RRP8: variants seen among roughly 807,000 people sequenced by gnomAD.
RRP8 encodes the protein ribosomal RNA-processing protein 8.
A neutral mutation model predicts 45.0 loss-of-function variants in RRP8; 48 were observed. The ratio of observed to expected loss-of-function variants is 1.07; its 90% CI spans 0.85 to 1.36. The LOEUF is 1.36. RRP8 is among the 40% of genes most tolerant of loss of function. RRP8 has a pLI of 0.00. For synonymous variants in RRP8, 274 were observed against 212.4 expected, an observed-to-expected ratio of 1.29 and a Z score of -2.52; for missense variants, 658 against 573.7, an observed-to-expected ratio of 1.15 and a Z score of -1.50.
At position 6,595,622 on chromosome 11, in the gene RRP8, G is replaced by C. The variant is rs951636187; in HGVS notation, c.*4524C>G. On this transcript the variant is annotated 3_prime_UTR_variant, in exon 7 of 7. Transcript: ENST00000254605. ...CAATGACGGATTTAAAAAAAAAAGA[G>C]TATCTCAACTTCCTATTGGGAGTAC... 1.3e-5 allele frequency: 2 copies of C among 152,072 alleles called. No individual in the cohort carries two copies. Among genetic ancestry groups the C allele is most frequent in the African/African-American group, 4.8e-5 (2 of 41,396 alleles). The allele number at this position is 152,072 out of a possible 1,614,324, so 9.4% of individuals were successfully genotyped here. A position where few individuals can be genotyped will look rare whatever the true frequency, so the allele number is the denominator to read the frequency against.
At position 6,602,153 on chromosome 11, in the gene RRP8, C is replaced by G. The variant is rs746432837; in HGVS notation, c.162G>C (p.Gln54His). Residue 54 changes from glutamine (Q) to histidine (H), a missense_variant, in exon 2 of 7, where the codon CAG becomes CAC. By Grantham distance (24) the Gln-to-His change is conservative. Transcript: ENST00000254605. ...LRALEAASLS[Q>H]HPPSLCISDS... ...CACTTATACATAGGCTGGGGGGATG[C>G]TGGGAAAGAGATGCTGCCTCTAGGG... is the stretch of plus-strand genomic sequence containing the variant. 2.5e-6 allele frequency: 4 copies of G among 1,604,722 alleles called. No individual in the cohort carries two copies. The highest frequency in any genetic ancestry group is 3.4e-5 in the Admixed American group (2 of 59,300).
Position 6,601,303 on chromosome 11 carries a change from T to C in RRP8, c.763A>G (p.Asn255Asp), listed in dbSNP as rs774157861. 1 of 1,613,532 alleles carries C rather than the reference T, an allele frequency of 6.2e-7. No individual in the cohort carries two copies. The highest frequency in any genetic ancestry group is 8.5e-7 in the Non-Finnish European group (1 of 1,179,766). The change falls in exon 3 of 7, where the codon AAT (asparagine) becomes GAT (aspartate). Residue 255 changes from asparagine to aspartate, a missense_variant. Physicochemically the swap from Asn to Asp is conservative, Grantham distance 23. Coordinates refer to ENST00000254605, the MANE Select transcript of RRP8 (RefSeq NM_015324.4). ...CTGGGCCCTGAGTACAACTGTTCAT[T>C]GAGGTAGCGAAATCGGGCCCCATCC... is the stretch of plus-strand genomic sequence containing the variant. Reference protein sequence around the residue: ...RLDGARFRYLNEQLYSGPSSA... With the variant: ...RLDGARFRYLDEQLYSGPSSA...
rs1255667158 is a variant in RRP8, at chr11:6,601,304, G to A, written c.762C>T (p.Leu254=). The change falls in exon 3 of 7, where the codon CTC becomes CTT. Residue 254 remains leucine (L), a synonymous_variant. Transcript: ENST00000254605. ...QRLDGARFRY[L]NEQLYSGPSS... ...TGGGCCCTGAGTACAACTGTTCATT[G>A]AGGTAGCGAAATCGGGCCCCATCCA... 3 of 1,613,580 alleles carry A rather than the reference G, an allele frequency of 1.9e-6. No homozygotes were observed. Among genetic ancestry groups the A allele is most frequent in the Non-Finnish European group, 2.5e-6 (3 of 1,179,778 alleles).
chr11:6,598,561 T>C lies in RRP8; in HGVS notation c.*1585A>G, dbSNP rs943732164. 2.6e-5 allele frequency: 4 copies of C among 152,264 alleles called. No homozygotes were observed. Among genetic ancestry groups the C allele is most frequent in the Admixed American group, 2.6e-4 (4 of 15,286 alleles). The allele number at this position is 152,264 out of a possible 1,614,324, so 9.4% of individuals were successfully genotyped here. A position where few individuals can be genotyped will look rare whatever the true frequency, so the allele number is the denominator to read the frequency against. On this transcript the variant is annotated 3_prime_UTR_variant, in exon 7 of 7. Transcript: ENST00000254605. The stretch of plus-strand genomic sequence containing the variant: ...TACTTTGAGAGTACAGATGAAGAAC[T>C]GATTTTGCTTTGGGAGTAGAATAGG...
In RRP8 at chr11:6,601,358, C is replaced by T; in HGVS notation, c.708G>A (p.Gly236=). ...PRTDSHEARA[G]ALRARMAQRL... is the part of the protein sequence containing the mutation. ...GCTGTGCCATGCGGGCTCGCAAAGC[C>T]CCTGCCCGAGCCTCATGGCTGTCTG... The change falls in exon 3 of 7, where the codon GGG becomes GGA. Residue 236 remains glycine, a synonymous_variant. Coordinates refer to ENST00000254605, the MANE Select transcript of RRP8 (RefSeq NM_015324.4). 6.2e-7 allele frequency: 1 copy of T among 1,614,124 alleles called. No individual in the cohort carries two copies. The highest frequency in any genetic ancestry group is 2.2e-5 in the East Asian group (1 of 44,888).
rs1005880420 is a variant in RRP8 at position 6,595,072 on chromosome 11, T to C, written c.*5074A>G. ...TATAATATTATATATTATACATATA[T>C]ATAATTGTTTTATTTATTTATTGAG... On this transcript the variant is annotated 3_prime_UTR_variant, in exon 7 of 7. Coordinates refer to ENST00000254605, the MANE Select transcript of RRP8 (RefSeq NM_015324.4). 6 of 150,420 alleles carry C rather than the reference T, an allele frequency of 4.0e-5. No individual in the cohort carries two copies. Among genetic ancestry groups the C allele is most frequent in the Non-Finnish European group, 5.9e-5 (4 of 67,724 alleles). 9.3% of individuals were successfully genotyped at this position (150,420 alleles called of 1,614,324 possible). A position where few individuals can be genotyped will look rare whatever the true frequency, so the allele number is the denominator to read the frequency against.
Position 6,600,582 on chromosome 11 carries a change from CCT to C in RRP8, c.1155-2_1155-1del, listed in dbSNP as rs1210223264. Reference sequence around the variant, plus strand: ...TGACCTCAGCCACTTTCAGGAGACCCCTGAGAAAGACAGAAAGTTCTGTGTAA... The same window carrying C: ...TGACCTCAGCCACTTTCAGGAGACCCGAGAAAGACAGAAAGTTCTGTGTAA... On this transcript the variant is annotated splice_acceptor_variant, in intron 5 of 6. Coordinates refer to ENST00000254605, the MANE Select transcript of RRP8 (RefSeq NM_015324.4). LOFTEE classifies it high-confidence loss of function. The C allele has an allele frequency of 1.2e-6, 2 of 1,614,008 alleles. No individual in the cohort carries two copies. Among genetic ancestry groups the C allele is most frequent in the South Asian group, 1.1e-5 (1 of 91,066 alleles).
rs142528867 is a variant in RRP8 at position 6,601,173 on chromosome 11, C to A, written c.893G>T (p.Arg298Leu). The change falls in exon 3 of 7, where the codon CGC (arginine) becomes CTC (leucine). Residue 298 changes from arginine to leucine, a missense_variant. By Grantham distance (102) the Arg-to-Leu change is moderately radical. Transcript: ENST00000254605. ...CCGCTGGCGAAGATCCCTGGCGATGCGGTCCACTGGCTGCAGTGGCCACTT... is the reference window on the plus strand; with the variant it reads ...CCGCTGGCGAAGATCCCTGGCGATGAGGTCCACTGGCTGCAGTGGCCACTT... ...VKKWPLQPVD[R>L]IARDLRQRPA... The A allele has an allele frequency of 4.3e-6, 7 of 1,613,798 alleles. No individual in the cohort carries two copies. In the Admixed American group the frequency reaches 8.3e-5, roughly 19 times the overall value.
At position 6,600,179 on chromosome 11, in the gene RRP8, C is replaced by T. The variant is rs367682113; in HGVS notation, c.1338G>A (p.Leu446=). Residue 446 remains leucine (L), a synonymous_variant, in exon 7 of 7, where the codon CTG becomes CTA. Transcript: ENST00000254605. The part of the protein sequence containing the change: ...LVGPKAQLSG[L]QLQPCLYKRR ...GCTTGTAGAGACATGGCTGAAGCTG[C>T]AGGCCTGAAAGCTGAGCCTTGGGCC... 2.4e-4 allele frequency: 388 copies of T among 1,602,230 alleles called. No homozygotes were observed. Among genetic ancestry groups the T allele is most frequent in the Non-Finnish European group, 3.1e-4 (368 of 1,176,226 alleles).
rs1854397130 is a variant in RRP8, at chr11:6,602,017, C to G, written c.298G>C (p.Gly100Arg). ...TCCTCAGAGTCACTGCAAGGTGGGC[C>G]CTGTTTTTGACATTTCTTCTTCCCT... Reference protein sequence around the residue: ...KKGKKKCQKQGPPCSDSEEEV... With the variant: ...KKGKKKCQKQRPPCSDSEEEV... Residue 100 changes from glycine to arginine, a missense_variant, in exon 2 of 7, where the codon GGC (glycine) becomes CGC (arginine). Physicochemically the swap from Gly to Arg is moderately radical, Grantham distance 125. Transcript: ENST00000254605. The G allele has an allele frequency of 1.2e-6, 2 of 1,613,906 alleles. No individual in the cohort carries two copies. Among genetic ancestry groups the G allele is most frequent in the African/African-American group, 2.7e-5 (2 of 74,870 alleles).
intron 1 of RRP8, 146 bp from the exon 2 acceptor site, chr11:6,602,361 T>C: frequency 1.1e-6 from 1 of 933,364 alleles, no homozygotes; most frequent in East Asian, 2.7e-5. Context: ...GAAGAACTTT[T>C]ATGTCACCAC....
chr11:6,600,813 CAGA>C (rs764454380), intron 4 of RRP8, 38 bp from the exon 5 acceptor site: 53 of 1,608,628 alleles, frequency 3.3e-5, no homozygotes, highest in Non-Finnish European at 4.1e-5. Flanking sequence ...GCACACAGTG[CAGA>C]AGAAGAAAGC....
rs745570524 is a variant in RRP8, at chr11:6,601,351, G to A, written c.715C>T (p.Arg239Ter). The change falls in exon 3 of 7, where the codon CGA becomes TGA. Residue 239 changes from arginine to a stop codon, truncating the protein, a stop_gained. Coordinates refer to ENST00000254605, the MANE Select transcript of RRP8 (RefSeq NM_015324.4). LOFTEE classifies it high-confidence loss of function. Reference protein sequence around the residue: ...DSHEARAGALRARMAQRLDGA... With the variant: ...DSHEARAGAL ...TCCAGCCGCTGTGCCATGCGGGCTCGCAAAGCCCCTGCCCGAGCCTCATGG... is the reference window on the plus strand; with the variant it reads ...TCCAGCCGCTGTGCCATGCGGGCTCACAAAGCCCCTGCCCGAGCCTCATGG... 1.7e-5 allele frequency: 28 copies of A among 1,613,820 alleles called. No individual in the cohort carries two copies. The Admixed American group carries it at 1.8e-4, about 11-fold the overall frequency.
chr11:6,597,992 C>T lies in RRP8; in HGVS notation c.*2154G>A, dbSNP rs1340859663. The T allele has an allele frequency of 4.6e-5, 7 of 152,230 alleles. No individual in the cohort carries two copies. The highest frequency in any genetic ancestry group is 3.9e-4 in the Admixed American group (6 of 15,262). 9.4% of individuals were successfully genotyped at this position (152,230 alleles called of 1,614,324 possible). On this transcript the variant is annotated 3_prime_UTR_variant, in exon 7 of 7. Transcript: ENST00000254605. Reference sequence around the variant, plus strand: ...CCTTCACTGCTTCATTTTCCTTTACCCATCCATGACATGCTCCTCAGTTCT... The same window carrying T: ...CCTTCACTGCTTCATTTTCCTTTACTCATCCATGACATGCTCCTCAGTTCT...
chr11:6,601,689 C>T (rs1854369937), intron 2 of RRP8, 87 bp from the exon 3 acceptor site: 8 of 1,502,088 alleles, frequency 5.3e-6, no homozygotes, highest in Non-Finnish European at 7.1e-6. Context: ...ATACCTCTGT[C>T]TTTGAGATCG....
In RRP8 at chr11:6,598,458, G is replaced by C; in HGVS notation, c.*1688C>G. 1 of 152,212 alleles carries C rather than the reference G, an allele frequency of 6.6e-6. No individual in the cohort carries two copies. Among genetic ancestry groups the C allele is most frequent in the East Asian group, 1.9e-4 (1 of 5,206 alleles). 9.4% of individuals were successfully genotyped at this position (152,212 alleles called of 1,614,324 possible). ...CTCCGGGAATACAAAGATAAACATG[G>C]CTTGAGAAAACAGCAGCCAAATGCA... is the stretch of plus-strand genomic sequence containing the variant. On this transcript the variant is annotated 3_prime_UTR_variant, in exon 7 of 7. Transcript: ENST00000254605.
chr11:6,600,647 T>C (rs1255868043), intron 5 of RRP8, 22 bp downstream of exon 5: 1 of 1,610,872 alleles, frequency 6.2e-7, no homozygotes, highest in Admixed American at 1.7e-5. Context: ...CATACATGCA[T>C]CTGTGTCCTG....
Position 6,600,725 on chromosome 11 carries a change from C to A in RRP8, c.1098G>T (p.Leu366=). The A allele has an allele frequency of 6.2e-7, 1 of 1,614,100 alleles. No homozygotes were observed. The highest frequency in any genetic ancestry group is 2.2e-5 in the East Asian group (1 of 44,880). Reference sequence around the variant, plus strand: ...GGAAGTCCCTGATGTTGGTTCCCATCAGTGAAAGGCAAAACACAGCCACAT... The same window carrying A: ...GGAAGTCCCTGATGTTGGTTCCCATAAGTGAAAGGCAAAACACAGCCACAT... ...SVDVAVFCLS[L]MGTNIRDFLE... is the part of the protein sequence containing the mutation. Residue 366 remains leucine (L), a synonymous_variant, in exon 5 of 7, where the codon CTG becomes CTT. Transcript: ENST00000254605.
rs759554854 is a variant in RRP8 at position 6,602,179 on chromosome 11, C to T, written c.136G>A (p.Ala46Thr). 3.8e-6 allele frequency: 6 copies of T among 1,588,112 alleles called. 1 individual carries two copies. Among genetic ancestry groups the T allele is most frequent in the Non-Finnish European group, 3.4e-6 (4 of 1,167,538 alleles). ...TGGGAAAGAGATGCTGCCTCTAGGG[C>T]CCGTAATGTGGCCAAGAGCTGGCGG... ...KRRQLLATLR[A>T]LEAASLSQHP... The change falls in exon 2 of 7, where the codon GCC becomes ACC. Residue 46 changes from alanine to threonine, a missense_variant. By Grantham distance (58) the Ala-to-Thr change is moderately conservative (BLOSUM62 0). Transcript: ENST00000254605.
Sources: allele counts gnomAD v4.1 joint callset, GRCh38; gene constraint gnomAD v4.1.1; transcripts MANE v1.5; gene names NCBI Gene and HGNC (gene_info 2026-07-23, HGNC 2026-07-21).